The following ADGRV1 variants were observed in gnomAD, a reference collection of about 807,000 sequenced individuals.
ADGRV1 encodes G-protein coupled receptor 98.
ADGRV1 carries 359 observed loss-of-function variants against 596.2 expected under a neutral mutation model. The observed-to-expected ratio is 0.60, with a 90% confidence interval of 0.55 to 0.66. The LOEUF is 0.66. Ranked by LOEUF, ADGRV1 falls within the 30% of genes least tolerant of loss-of-function variation. The probability of loss-of-function intolerance (pLI) is 0.00; values close to 1 mark genes in which losing one functional copy is unlikely to be tolerated. For synonymous variants in ADGRV1, 2,681 were observed against 2,679.2 expected, an observed-to-expected ratio of 1.00 and a Z score of -0.02; for missense variants, 7,274 against 7,575.6, an observed-to-expected ratio of 0.96 and a Z score of 1.48.
intron 70 of ADGRV1, among the ~76,000 whole-genome samples, chr5:90,801,700 G>T (rs1183087393): frequency 6.6e-6 from 1 of 152,084 alleles, no homozygotes; most frequent in Admixed American, 6.6e-5. Context: ...AAGAAGAAGA[G>T]ACTTTACAGA....
At chr5:90,760,663 C>T (rs1457392844) in intron 58 of ADGRV1, among the ~76,000 whole-genome samples, 1 of 152,084 alleles carries the variant, frequency 6.6e-6, no homozygotes, top group South Asian at 2.1e-4. Flanking sequence ...ACCACAGTCA[C>T]CCCCCACCCA....
At chr5:90,861,435 G>T (rs539479139) in intron 82 of ADGRV1, among the ~76,000 whole-genome samples, 4 of 151,776 alleles carry the variant, frequency 2.6e-5, no homozygotes, top group Non-Finnish European at 4.4e-5. Flanking sequence ...TCAGCCTCCC[G>T]GGTAGCTGGG....
At position 90,629,253 on chromosome 5, in the gene ADGRV1, T is replaced by C. The variant is rs1255716734; in HGVS notation, c.1553T>C (p.Ile518Thr). The change falls in exon 9 of 90, where the codon ATA becomes ACA. Residue 518 changes from isoleucine to threonine, a missense_variant. Ile to Thr is a moderately conservative substitution (Grantham distance 89). Coordinates refer to ENST00000405460, the MANE Select transcript of ADGRV1 (RefSeq NM_032119.4). ...GATAGTGATGATGTCTATGGCCTAA[T>C]AACATTTTTTCCTATGGAAAACCAG... is the stretch of plus-strand genomic sequence containing the variant. ...IQDSDDVYGL[I>T]TFFPMENQKI... The C allele has an allele frequency of 1.2e-6, 2 of 1,611,268 alleles. No homozygotes were observed. Among genetic ancestry groups the C allele is most frequent in the South Asian group, 1.1e-5 (1 of 90,616 alleles).
chr5:90,887,835 G>T (rs1479996271), intron 83 of ADGRV1, among the ~76,000 whole-genome samples: 1 of 152,092 alleles, frequency 6.6e-6, no homozygotes, highest in Non-Finnish European at 1.5e-5. Context: ...ACATTTACTA[G>T]CCAATGCTTC....
At chr5:90,661,639 T>A (rs951217853) in intron 21 of ADGRV1, among the ~76,000 whole-genome samples, 1 of 152,204 alleles carries the variant, frequency 6.6e-6, no homozygotes, top group African/African-American at 2.4e-5. Context: ...TTTCTGTTTA[T>A]TATTACTGTT....
At chr5:90,860,449 C>T (rs1056303817) in intron 82 of ADGRV1, among the ~76,000 whole-genome samples, 10 of 151,802 alleles carry the variant, frequency 6.6e-5, no homozygotes, top group African/African-American at 2.4e-4. Context: ...TACAGGTGCC[C>T]GCCACCATGC....
chr5:90,690,359 T>C (rs1746309798), intron 30 of ADGRV1, among the ~76,000 whole-genome samples: 1 of 152,192 alleles, frequency 6.6e-6, no homozygotes, highest in Non-Finnish European at 1.5e-5. Context: ...GGCAATTCTT[T>C]AGAAAAATAA....
chr5:90,991,464 T>G (rs570461207), intron 85 of ADGRV1, among the ~76,000 whole-genome samples: 2 of 152,328 alleles, frequency 1.3e-5, no homozygotes, highest in Admixed American at 6.5e-5. Context: ...TGTCTTTAAT[T>G]TGTAGAGACA....
intron 60 of ADGRV1, 22 bp from the exon 61 acceptor site, chr5:90,776,431 G>A: frequency 6.3e-7 from 1 of 1,597,964 alleles, no homozygotes; most frequent in Non-Finnish European, 8.5e-7. Context: ...CTACAAAGTG[G>A]TCTATATCAT....
In ADGRV1 at chr5:90,627,750, T is replaced by A. The variant is rs750010332; in HGVS notation, c.1212T>A (p.Val404=). 17 of 1,558,160 alleles carry A rather than the reference T, an allele frequency of 1.1e-5. No individual in the cohort carries two copies. The South Asian group carries it at 1.9e-4, about 18-fold the overall frequency. The change falls in exon 7 of 90, where the codon GTT becomes GTA. Residue 404 remains valine (V), a synonymous_variant. Transcript: ENST00000405460. ...SFNSVLFERT[V]IIDEDRISRY... ...ACAGTGTTTTGTTTGAAAGGACAGT[T>A]ATAATTGATGAAGATAGAATATCAA...
chr5:91,000,938 G>A (rs1581754398), intron 85 of ADGRV1, among the ~76,000 whole-genome samples: 1 of 151,984 alleles, frequency 6.6e-6, no homozygotes, highest in African/African-American at 2.4e-5. Flanking sequence ...AATTGGATAA[G>A]GCCCACCCAC....
In ADGRV1 at chr5:91,060,648, C is replaced by T. The variant is rs565995357; in HGVS notation, c.18153-11799C>T. ...TAAACAGAGTATGACTAACTTTAACCGATGATTTCTTAATGGTTTTAAGTT... is the reference window on the plus strand; with the variant it reads ...TAAACAGAGTATGACTAACTTTAACTGATGATTTCTTAATGGTTTTAAGTT... On this transcript the variant is annotated intron_variant, in intron 85 of 89. Transcript: ENST00000405460. 5.7e-4 allele frequency among the ~76,000 whole-genome samples: 86 copies of T among 152,126 alleles called. 1 individual carries two copies. The highest frequency in any genetic ancestry group is 5.4e-3 in the South Asian group (26 of 4,824).
In ADGRV1 at chr5:90,745,773, A is replaced by G. The variant is rs200106260; in HGVS notation, c.10952A>G (p.Tyr3651Cys). The G allele has an allele frequency of 1.2e-4, 188 of 1,606,418 alleles. No homozygotes were observed. The African/African-American group carries it at 2.3e-3, about 20-fold the overall frequency. The change falls in exon 52 of 90, where the codon TAT becomes TGT. Residue 3651 changes from tyrosine (Y) to cysteine (C), a missense_variant. Tyr to Cys is a radical substitution (Grantham distance 194). Coordinates refer to ENST00000405460, the MANE Select transcript of ADGRV1 (RefSeq NM_032119.4). ...TITILSNDDA[Y>C]GIVAFAQNSL... ...ACCATTCTGTCTAATGATGATGCCTATGGAATTGTTGCATTTGCTCAGGTA... is the reference window on the plus strand; with the variant it reads ...ACCATTCTGTCTAATGATGATGCCTGTGGAATTGTTGCATTTGCTCAGGTA...
intron 83 of ADGRV1, among the ~76,000 whole-genome samples, chr5:90,936,281 G>A (rs1008370270): frequency 6.6e-6 from 1 of 151,810 alleles, no homozygotes; most frequent in Non-Finnish European, 1.5e-5. Flanking sequence ...TAATTATGGT[G>A]TTCTCCTCTC....
intron 3 of ADGRV1, among the ~76,000 whole-genome samples, 165 bp downstream of exon 3, chr5:90,618,118 A>G (rs966002887): frequency 7.9e-5 from 12 of 152,122 alleles, no homozygotes; most frequent in Non-Finnish European, 1.6e-4. Context: ...CGCTTCCACA[A>G]TCTGGTTATT....
intron 87 of ADGRV1, among the ~76,000 whole-genome samples, chr5:91,106,337 T>C (rs1791873228): frequency 6.6e-6 from 1 of 152,240 alleles, no homozygotes; most frequent in African/African-American, 2.4e-5. Flanking sequence ...TCTTTGTTTA[T>C]GCCAATACCA....
intron 85 of ADGRV1, among the ~76,000 whole-genome samples, chr5:91,005,934 GA>G (rs776829052): frequency 2.0e-5 from 3 of 151,842 alleles, no homozygotes; most frequent in East Asian, 1.9e-4. Flanking sequence ...AATCCCTGGG[GA>G]AAAAAAATCC....
chr5:90,698,787 T>C (rs1392041356), intron 34 of ADGRV1, among the ~76,000 whole-genome samples: 1 of 151,408 alleles, frequency 6.6e-6, no homozygotes, highest in Admixed American at 6.6e-5. Flanking sequence ...AAGAAAAAAT[T>C]ACCTGAGAGG....
Position 90,787,792 on chromosome 5 carries a change from T to C in ADGRV1, c.13654-279T>C, listed in dbSNP as rs138525790. ...TTTTAGTAGAGACGGGGTTTCACCA[T>C]GTTGGCCAGGTTGGTCTCAAACTCC... On this transcript the variant is annotated intron_variant, in intron 67 of 89. Transcript: ENST00000405460. 6.4e-3 allele frequency among the ~76,000 whole-genome samples: 979 copies of C among 152,060 alleles called. 36 individuals are homozygous for C. Among genetic ancestry groups the C allele is most frequent in the Admixed American group, 0.049 (753 of 15,248 alleles).
Sources: gnomAD v4.1 joint callset for allele counts (sites outside exome capture counted in the v4.1 genomes callset) on GRCh38, gnomAD v4.1.1 for gene constraint, MANE v1.5 for transcripts, NCBI Gene and HGNC (gene_info 2026-07-23, HGNC 2026-07-21) for gene names.